The following RC3H2 variants were observed in gnomAD, a reference collection of about 807,000 sequenced individuals.
RC3H2 encodes the protein ring finger and CCCH-type domains 2.
Under a neutral mutation model 133.3 loss-of-function variants are expected in RC3H2, and 31 were observed. The observed-to-expected ratio is 0.23, with a 90% CI of 0.17 to 0.31. RC3H2 has a LOEUF of 0.31. Ranked by LOEUF, RC3H2 falls within the 10% of genes least tolerant of loss-of-function variation. The pLI is 1.00. For synonymous variants in RC3H2, 517 were observed against 502.2 expected (o/e 1.03, Z -0.40); for missense variants, 1,175 against 1,437.2 (o/e 0.82, Z 2.95).
In RC3H2 at chr9:122,880,097, C is replaced by G; in HGVS notation, c.989G>C (p.Ser330Thr). ...KLQSPESFAK[S>T]VQELTIVLQR... Reference sequence around the variant, plus strand: ...CAAAACAATTGTCAATTCCTGGACACTCTTTGCAAATGACTCTGGAGACTG... The same window carrying G: ...CAAAACAATTGTCAATTCCTGGACAGTCTTTGCAAATGACTCTGGAGACTG... Residue 330 changes from serine to threonine, a missense_variant, in exon 7 of 21, where the codon AGT becomes ACT. By Grantham distance (58) the Ser-to-Thr change is moderately conservative. Around this residue, in one of 8 missense-constraint regions of RC3H2, gnomAD observed 131 missense variants for 154.2 expected, o/e 0.85. Coordinates refer to ENST00000357244, the MANE Select transcript of RC3H2 (RefSeq NM_001100588.3). The G allele has an allele frequency of 6.2e-7, 1 of 1,614,164 alleles. No homozygotes were observed. The highest frequency in any genetic ancestry group is 8.5e-7 in the Non-Finnish European group (1 of 1,180,006).
At chr9:122,901,650 G>A (rs1431448681) in intron 1 of RC3H2, among the ~76,000 whole-genome samples, 1 of 148,868 alleles carries the variant, frequency 6.7e-6, no homozygotes, top group Non-Finnish European at 1.5e-5. Context: ...GGAGTGCGGT[G>A]GTGCGATTTC....
In RC3H2 at chr9:122,845,737, G is replaced by A. The variant is rs1360529415; in HGVS notation, c.*3890C>T. The A allele has an allele frequency of 1.3e-5, 2 of 152,140 alleles. No homozygotes were observed. The highest frequency in any genetic ancestry group is 3.8e-4 in the East Asian group (2 of 5,198). 9.4% of individuals were successfully genotyped at this position (152,140 alleles called of 1,614,324 possible). A position where few individuals can be genotyped will look rare whatever the true frequency, so the allele number is the denominator to read the frequency against. The stretch of plus-strand genomic sequence containing the variant: ...AACTTCTTCAATTTATCCAGAAAAT[G>A]GGATACTCCTTGAGCATGTTCTTTT... On this transcript the variant is annotated 3_prime_UTR_variant, in exon 21 of 21. Transcript: ENST00000357244.
intron 14 of RC3H2, 121 bp downstream of exon 14, chr9:122,855,611 T>C (rs1053606061): frequency 1.8e-6 from 2 of 1,131,984 alleles, no homozygotes; most frequent in Non-Finnish European, 2.5e-6. Flanking sequence ...AATATAACCC[T>C]GCTGCTACTG....
At chr9:122,893,498 T>A (rs1221635023) in intron 2 of RC3H2, among the ~76,000 whole-genome samples, 4 of 151,734 alleles carry the variant, frequency 2.6e-5, no homozygotes, top group Non-Finnish European at 5.9e-5. Context: ...CATCTCAAAA[T>A]AACAACAATA....
chr9:122,861,255 C>T lies in RC3H2; in HGVS notation c.1635-1124G>A, dbSNP rs529110528. On this transcript the variant is annotated intron_variant, in intron 10 of 20. Transcript: ENST00000357244. Reference sequence around the variant, plus strand: ...CCTGTAATCCTAGCACTTTGGGAGGCCGAGGCAGGCAGATCAACTGAGGTT... The same window carrying T: ...CCTGTAATCCTAGCACTTTGGGAGGTCGAGGCAGGCAGATCAACTGAGGTT... 3.3e-5 allele frequency among the ~76,000 whole-genome samples: 5 copies of T among 152,180 alleles called. No individual in the cohort carries two copies. The East Asian group carries it at 7.7e-4, about 24-fold the overall frequency.
rs370804584 is a variant in RC3H2, at chr9:122,858,047, C to G, written c.2330G>C (p.Arg777Thr). The change falls in exon 13 of 21, where the codon AGA becomes ACA. Residue 777 changes from arginine to threonine, a missense_variant. Coordinates refer to ENST00000357244, the MANE Select transcript of RC3H2 (RefSeq NM_001100588.3). ...LKTSCEEQIR[R>T]KPDQWAQYHT... ...GTACTGTGCCCACTGATCTGGCTTTCTTCTTATCTGCTCCTCGCAACTGGT... is the reference window on the plus strand; with the variant it reads ...GTACTGTGCCCACTGATCTGGCTTTGTTCTTATCTGCTCCTCGCAACTGGT... The G allele has an allele frequency of 1.2e-5, 20 of 1,614,224 alleles. No homozygotes were observed. The highest frequency in any genetic ancestry group is 2.2e-5 in the East Asian group (1 of 44,880).
At position 122,860,035 on chromosome 9, in the gene RC3H2, T is replaced by C. The variant is rs1420177899; in HGVS notation, c.1731A>G (p.Gln577=). 5 of 1,614,046 alleles carry C rather than the reference T, an allele frequency of 3.1e-6. No homozygotes were observed. The highest frequency in any genetic ancestry group is 1.3e-5 in the African/African-American group (1 of 74,906). The change falls in exon 11 of 21, where the codon CAA becomes CAG. Residue 577 remains glutamine, a synonymous_variant. Coordinates refer to ENST00000357244, the MANE Select transcript of RC3H2 (RefSeq NM_001100588.3). ...CTCTAGTTAGAAATGGGCTGGATTT[T>C]TGAGGCACAGAATTCAGCTCTGTTC... ...NVGTELNSVP[Q]KSSPFLTRVP... is the part of the protein sequence containing the mutation.
At chr9:122,878,677 T>A (rs1257269902) in intron 8 of RC3H2, among the ~76,000 whole-genome samples, 1 of 152,126 alleles carries the variant, frequency 6.6e-6, no homozygotes, top group African/African-American at 2.4e-5. Flanking sequence ...TGTAAAACAT[T>A]GAATGTAGTG....
At chr9:122,878,148 C>G (rs1831420020) in intron 8 of RC3H2, among the ~76,000 whole-genome samples, 1 of 152,128 alleles carries the variant, frequency 6.6e-6, no homozygotes, top group East Asian at 1.9e-4. Context: ...TTCTTATGAG[C>G]CTAGGATGAA....
Position 122,851,376 on chromosome 9 carries a change from C to G in RC3H2, c.3178G>C (p.Glu1060Gln). 2.5e-6 allele frequency: 4 copies of G among 1,614,196 alleles called. No individual in the cohort carries two copies. The highest frequency in any genetic ancestry group is 3.4e-6 in the Non-Finnish European group (4 of 1,180,024). ...DTKPDRDIEL[E>Q]LSALDTDEPD... The stretch of plus-strand genomic sequence containing the variant: ...TCATCAGTATCAAGTGCTGAAAGCT[C>G]TAACTCGATATCCCTATCAGGTTTA... The change falls in exon 19 of 21, where the codon GAG becomes CAG. Residue 1060 changes from glutamate (E) to glutamine (Q), a missense_variant. Transcript: ENST00000357244.
chr9:122,863,164 A>G (rs567377989), intron 10 of RC3H2, among the ~76,000 whole-genome samples: 2 of 152,298 alleles, frequency 1.3e-5, no homozygotes, highest in Admixed American at 6.5e-5. Context: ...GACATTTAAC[A>G]TAAATGTGAC....
At chr9:122,870,771 T>G in intron 9 of RC3H2, among the ~76,000 whole-genome samples, 1 of 152,156 alleles carries the variant, frequency 6.6e-6, no homozygotes, top group East Asian at 1.9e-4. Flanking sequence ...TATCTACCAT[T>G]AATCCCTCCC....
At position 122,883,189 on chromosome 9, in the gene RC3H2, ATACT is replaced by A. The variant is rs762706024; in HGVS notation, c.759+11_759+14del. 3.7e-6 allele frequency: 6 copies of A among 1,607,770 alleles called. 1 individual carries two copies. The highest frequency in any genetic ancestry group is 5.1e-6 in the Non-Finnish European group (6 of 1,177,680). The stretch of plus-strand genomic sequence containing the variant: ...CACAAACAGGCATGTCTTTACATAG[ATACT>A]TACTGCTTACCTTAAAACAAGAAGC... On this transcript the variant is annotated intron_variant, in intron 5 of 20. Coordinates refer to ENST00000357244, the MANE Select transcript of RC3H2 (RefSeq NM_001100588.3).
At chr9:122,867,585 G>A (rs1290388870) in intron 9 of RC3H2, among the ~76,000 whole-genome samples, 3 of 116,660 alleles carry the variant, frequency 2.6e-5, no homozygotes, top group South Asian at 6.6e-4. Context: ...AGTGAGAAGC[G>A]TCTGCCCGGC....
chr9:122,857,890 C>T, intron 13 of RC3H2, 33 bp downstream of exon 13: 1 of 1,584,972 alleles, frequency 6.3e-7, no homozygotes, highest in South Asian at 1.1e-5. Context: ...TTGACCTATC[C>T]CTGCAACATT....
At chr9:122,875,196 C>T (rs759873654) in intron 9 of RC3H2, 2 of 1,551,028 alleles carry the variant, frequency 1.3e-6, no homozygotes, top group South Asian at 2.4e-5. Flanking sequence ...CTAGGCACTT[C>T]AAGTGGGGAA....
chr9:122,890,122 C>T lies in RC3H2; in HGVS notation c.583+190G>A, dbSNP rs1407932204. 4.9e-6 allele frequency: 3 copies of T among 618,538 alleles called. No individual in the cohort carries two copies. The African/African-American group carries it at 5.5e-5, about 11-fold the overall frequency. The allele number at this position is 618,538 out of a possible 1,614,324, so 38.3% of individuals were successfully genotyped here. On this transcript the variant is annotated intron_variant, in intron 4 of 20. Coordinates refer to ENST00000357244, the MANE Select transcript of RC3H2 (RefSeq NM_001100588.3). ...CGCCACTGCACTCCAGCCTGGGTGACAGAGTGAGACCCTGTCTCAAACAAA... is the reference window on the plus strand; with the variant it reads ...CGCCACTGCACTCCAGCCTGGGTGATAGAGTGAGACCCTGTCTCAAACAAA...
At chr9:122,855,645 G>A in intron 14 of RC3H2, 87 bp downstream of exon 14, 1 of 1,430,936 alleles carries the variant, frequency 7.0e-7, no homozygotes, top group South Asian at 1.4e-5. Flanking sequence ...CAATATGAAT[G>A]AATGAATAGA....
intron 18 of RC3H2, 147 bp from the exon 19 acceptor site, chr9:122,851,583 C>T (rs1400833066): frequency 1.9e-6 from 2 of 1,037,760 alleles, no homozygotes; most frequent in African/African-American, 1.6e-5. Flanking sequence ...TCTCGGCTCA[C>T]TGCAACCTCC....
Sources: allele counts gnomAD v4.1 joint callset (sites outside exome capture counted in the v4.1 genomes callset), GRCh38; gene constraint gnomAD v4.1.1; regional missense constraint gnomAD v4.1.1; transcripts MANE v1.5; gene names NCBI Gene and HGNC (gene_info 2026-07-23, HGNC 2026-07-21).